APBB2: variants seen among roughly 807,000 people sequenced by gnomAD.
APBB2 encodes amyloid beta precursor protein binding family B member 2, also known as Fe65-like 1.
In APBB2, 38 loss-of-function variants were observed where a neutral mutation model predicts 82.5. That is an observed-to-expected ratio of 0.46 (90% CI 0.36 to 0.60). The LOEUF (loss-of-function observed/expected upper bound fraction) is 0.60, where lower values mean the gene tolerates loss of function less well. Ranked by LOEUF, APBB2 falls within the 20% of genes least tolerant of loss-of-function variation. APBB2 has a pLI of 0.00. For missense variants in APBB2, 772 were observed against 972.3 expected (o/e 0.79, Z 2.74); for synonymous variants, 341 against 368.2 (o/e 0.93, Z 0.85).
intron 12 of APBB2, among the ~76,000 whole-genome samples, chr4:40,839,935 G>A (rs2154311842): frequency 6.6e-6 from 1 of 152,326 alleles, no homozygotes; most frequent in Admixed American, 6.5e-5. Context: ...AAAGTGCTGG[G>A]ATTACAGGCA....
At chr4:40,990,666 T>C (rs1451409658) in intron 6 of APBB2, among the ~76,000 whole-genome samples, 1 of 152,154 alleles carries the variant, frequency 6.6e-6, no homozygotes, top group African/African-American at 2.4e-5. Flanking sequence ...CCAGACCAAA[T>C]ATGCCATTGC....
At chr4:41,091,781 T>C (rs1311096386) in intron 3 of APBB2, among the ~76,000 whole-genome samples, 1 of 152,180 alleles carries the variant, frequency 6.6e-6, no homozygotes, top group Non-Finnish European at 1.5e-5. Flanking sequence ...GCTCCATTGA[T>C]TATGTCCTCT....
chr4:41,210,224 C>G (rs1027174063), intron 1 of APBB2, among the ~76,000 whole-genome samples: 1 of 152,162 alleles, frequency 6.6e-6, no homozygotes, highest in African/African-American at 2.4e-5. Flanking sequence ...TGCTCTTAAA[C>G]GAAGACCTCT....
chr4:41,035,879 G>A (rs1718960997), intron 4 of APBB2, among the ~76,000 whole-genome samples: 2 of 152,236 alleles, frequency 1.3e-5, no homozygotes, highest in African/African-American at 4.8e-5. Flanking sequence ...TTGATTTAAG[G>A]TATACGGAAG....
At chr4:41,037,949 T>C (rs1278992976) in intron 4 of APBB2, among the ~76,000 whole-genome samples, 3 of 152,108 alleles carry the variant, frequency 2.0e-5, no homozygotes, top group African/African-American at 7.2e-5. Context: ...ATACGGAGTT[T>C]AGAGTTGTTG....
At chr4:41,198,505 T>C in intron 1 of APBB2, among the ~76,000 whole-genome samples, 69,812 of 152,022 alleles carry the variant, frequency 0.46, 17,075 homozygotes, top group African/African-American at 0.63. Context: ...TATAGGAAGA[T>C]GGTGTTCTTT....
At chr4:40,954,361 G>A (rs970879136) in intron 6 of APBB2, among the ~76,000 whole-genome samples, 1 of 152,174 alleles carries the variant, frequency 6.6e-6, no homozygotes, top group Non-Finnish European at 1.5e-5. Flanking sequence ...CCAGGGCTTT[G>A]GGTGTGAAAG....
intron 10 of APBB2, among the ~76,000 whole-genome samples, chr4:40,908,792 G>T (rs114126290): frequency 0.03 from 4,632 of 152,284 alleles, 96 homozygotes; most frequent in Middle Eastern, 0.071. Flanking sequence ...GCCGACAATG[G>T]GGGAGCCCGC....
intron 17 of APBB2, among the ~76,000 whole-genome samples, chr4:40,817,347 G>A (rs776784343): frequency 7.9e-5 from 12 of 152,150 alleles, no homozygotes; most frequent in Non-Finnish European, 1.5e-5. Flanking sequence ...GGTCAAGGCT[G>A]CAGTGAGCTG....
intron 1 of APBB2, among the ~76,000 whole-genome samples, chr4:41,211,771 C>T (rs1188320934): frequency 1.3e-5 from 2 of 152,114 alleles, no homozygotes; most frequent in Non-Finnish European, 2.9e-5. Flanking sequence ...TGTTAGCCAC[C>T]GTACCCGGCC....
At position 41,061,207 on chromosome 4, in the gene APBB2, A is replaced by G. The variant is rs187312837; in HGVS notation, c.-51+4369T>C. On this transcript the variant is annotated intron_variant, in intron 4 of 17. Coordinates refer to ENST00000508593, the MANE Select transcript of APBB2 (RefSeq NM_004307.2). Reference sequence around the variant, plus strand: ...TGGCTGCAGTCATCCAAAGGAATGGATAGGTACAGACAAAAATGAACAAAT... The same window carrying G: ...TGGCTGCAGTCATCCAAAGGAATGGGTAGGTACAGACAAAAATGAACAAAT... Among the ~76,000 whole-genome samples the G allele has an allele frequency of 1.8e-3, 269 of 152,370 alleles. 2 individuals are homozygous for G. Among genetic ancestry groups the G allele is most frequent in the Middle Eastern group, 6.8e-3 (2 of 294 alleles).
intron 1 of APBB2, among the ~76,000 whole-genome samples, chr4:41,192,781 A>C (rs1774832075): frequency 6.6e-6 from 1 of 152,192 alleles, no homozygotes; most frequent in African/African-American, 2.4e-5. Context: ...CAAAAACAAA[A>C]CAAAAAAAAT....
intron 13 of APBB2, 121 bp downstream of exon 13, chr4:40,830,342 C>A: frequency 1.5e-6 from 1 of 674,464 alleles, no homozygotes; most frequent in Admixed American, 2.4e-5. Flanking sequence ...GCTGAACAAT[C>A]TGCCTACTTC....
chr4:41,149,796 A>G (rs1761764656), intron 1 of APBB2, among the ~76,000 whole-genome samples: 1 of 152,068 alleles, frequency 6.6e-6, no homozygotes, highest in Non-Finnish European at 1.5e-5. Flanking sequence ...AGTTTTTCCC[A>G]TGCTGTTCTC....
intron 10 of APBB2, among the ~76,000 whole-genome samples, chr4:40,925,896 T>A (rs1782496972): frequency 6.6e-6 from 1 of 152,216 alleles, no homozygotes; most frequent in South Asian, 2.1e-4. Flanking sequence ...GAATCTCATG[T>A]CCATTCGCCA....
At chr4:41,132,019 G>A (rs1340970410) in intron 2 of APBB2, among the ~76,000 whole-genome samples, 1 of 148,816 alleles carries the variant, frequency 6.7e-6, no homozygotes, top group Non-Finnish European at 1.5e-5. Flanking sequence ...CAGCTTGGGC[G>A]ACAGAGCAAG....
At chr4:41,174,197 A>G (rs748559356) in intron 1 of APBB2, among the ~76,000 whole-genome samples, 1 of 152,232 alleles carries the variant, frequency 6.6e-6, no homozygotes, top group Non-Finnish European at 1.5e-5. Flanking sequence ...AGAATCAACT[A>G]CTGAGATTTC....
intron 12 of APBB2, among the ~76,000 whole-genome samples, chr4:40,836,547 C>A (rs1427488328): frequency 6.6e-6 from 1 of 152,086 alleles, no homozygotes; most frequent in Non-Finnish European, 1.5e-5. Context: ...GGAAGAAAGA[C>A]ATTTAGAGGC....
intron 6 of APBB2, chr4:40,990,108 T>C (rs1801600314): frequency 6.6e-6 from 1 of 152,216 alleles, no homozygotes; most frequent in African/African-American, 2.4e-5. Flanking sequence ...AAACGTGGTA[T>C]ATACAGACAG....
Sources: allele counts gnomAD v4.1 joint callset (sites outside exome capture counted in the v4.1 genomes callset), GRCh38; gene constraint gnomAD v4.1.1; transcripts MANE v1.5; gene names NCBI Gene and HGNC (gene_info 2026-07-23, HGNC 2026-07-21).